Variants in STXBP5L observed in about 807,000 individuals in gnomAD.
STXBP5L encodes syntaxin binding protein 5L.
In STXBP5L, 65 loss-of-function variants were observed where a neutral mutation model predicts 144.5. The observed-to-expected ratio is 0.45, with a 90% CI of 0.37 to 0.55. STXBP5L has a LOEUF of 0.55. STXBP5L is among the 20% of genes least tolerant of loss of function. The pLI, the probability that STXBP5L is intolerant of heterozygous loss-of-function variation, is 0.00. For missense variants in STXBP5L, 1,298 were observed against 1,405.5 expected (o/e 0.92, Z 1.22); for synonymous variants, 505 against 469.6 (o/e 1.08, Z -0.97).
At chr3:121,323,867 G>A (rs2044057961) in intron 20 of STXBP5L, among the ~76,000 whole-genome samples, 2 of 152,080 alleles carry the variant, frequency 1.3e-5, no homozygotes, top group African/African-American at 2.4e-5. Flanking sequence ...CTCTTAAAGA[G>A]AACAGATCCT....
intron 20 of STXBP5L, among the ~76,000 whole-genome samples, chr3:121,325,380 A>G (rs1471065553): frequency 6.6e-6 from 1 of 152,082 alleles, no homozygotes; most frequent in Non-Finnish European, 1.5e-5. Flanking sequence ...TGAGAAAACT[A>G]AAGTTCAGAC....
chr3:121,177,512 G>T (rs142753262), intron 9 of STXBP5L, among the ~76,000 whole-genome samples: 2 of 152,086 alleles, frequency 1.3e-5, no homozygotes, highest in Non-Finnish European at 2.9e-5. Flanking sequence ...ATGAAACGAT[G>T]CTCAACATCA....
intron 5 of STXBP5L, among the ~76,000 whole-genome samples, chr3:121,113,834 G>A (rs770202668): frequency 1.3e-4 from 19 of 151,524 alleles, no homozygotes; most frequent in Non-Finnish European, 2.4e-4. Flanking sequence ...CACCACGCCC[G>A]GCTAATTTTT....
intron 20 of STXBP5L, among the ~76,000 whole-genome samples, chr3:121,358,587 C>T (rs1298567895): frequency 1.3e-5 from 2 of 152,180 alleles, no homozygotes; most frequent in Non-Finnish European, 2.9e-5. Flanking sequence ...CACCATGATT[C>T]AGTCACCTCC....
chr3:121,257,084 T>C, intron 16 of STXBP5L, 77 bp from the exon 17 acceptor site: 6 of 1,153,298 alleles, frequency 5.2e-6, no homozygotes, highest in East Asian at 2.4e-5. Flanking sequence ...AATGTGATTA[T>C]TTATTATGAC....
intron 5 of STXBP5L, among the ~76,000 whole-genome samples, chr3:121,088,370 T>G (rs370406801): frequency 0.029 from 3,245 of 113,030 alleles, 40 homozygotes; most frequent in Middle Eastern, 0.05. Context: ...ATCAGAGAAA[T>G]GCAAATCAAA....
Position 121,239,003 on chromosome 3 carries a change from A to G in STXBP5L, c.1217A>G (p.Asp406Gly), listed in dbSNP as rs752105786. 3.2e-5 allele frequency: 52 copies of G among 1,607,800 alleles called. No homozygotes were observed. The highest frequency in any genetic ancestry group is 4.4e-5 in the Non-Finnish European group (52 of 1,177,194). The change falls in exon 13 of 27, where the codon GAC becomes GGC. Residue 406 changes from aspartate (D) to glycine (G), a missense_variant. Transcript: ENST00000471454. The part of the protein sequence containing the change: ...FPIFENPYPM[D>G]IHESPVTCTA... ...ATCTTTGAAAATCCATATCCCATGG[A>G]CATTCATGAATCACCAGTTACATGC...
At chr3:121,005,567 T>A (rs1204476873) in intron 3 of STXBP5L, among the ~76,000 whole-genome samples, 2 of 152,184 alleles carry the variant, frequency 1.3e-5, no homozygotes, top group Non-Finnish European at 2.9e-5. Flanking sequence ...TCTGCTCTGA[T>A]CTTAGTTATT....
rs6766120 is a variant in STXBP5L at position 121,321,645 on chromosome 3, A to C, written c.2176+3105A>C. 5.3e-3 allele frequency among the ~76,000 whole-genome samples: 810 copies of C among 152,256 alleles called. 10 individuals are homozygous for C. Among genetic ancestry groups the C allele is most frequent in the African/African-American group, 0.018 (757 of 41,520 alleles). On this transcript the variant is annotated intron_variant, in intron 20 of 26. Coordinates refer to ENST00000471454, the MANE Select transcript of STXBP5L (RefSeq NM_001308330.2). ...CTTCTGGTCTCCAGATCACTTGAGA[A>C]TCACTGCCCTATGAAACATTTTAAA... is the stretch of plus-strand genomic sequence containing the variant.
chr3:121,345,707 G>A (rs1235725207), intron 20 of STXBP5L, among the ~76,000 whole-genome samples: 1 of 152,026 alleles, frequency 6.6e-6, no homozygotes, highest in Admixed American at 6.6e-5. Context: ...CATTCTAACT[G>A]GCATGAGATG....
In STXBP5L at chr3:120,912,435, A is replaced by T. The variant is rs564642731; in HGVS notation, c.189+2668A>T. Among the ~76,000 whole-genome samples the T allele has an allele frequency of 2.0e-5, 3 of 152,098 alleles. No individual in the cohort carries two copies. The South Asian group carries it at 6.2e-4, about 31-fold the overall frequency. ...CAGAAATTATAAGAATAAATTATAC[A>T]GCCAATTGATAAAAAAACTTTTTAT... On this transcript the variant is annotated intron_variant, in intron 2 of 26. Coordinates refer to ENST00000471454, the MANE Select transcript of STXBP5L (RefSeq NM_001308330.2).
rs537248535 is a variant in STXBP5L at position 121,097,211 on chromosome 3, T to C, written c.471-17714T>C. On this transcript the variant is annotated intron_variant, in intron 5 of 26. Coordinates refer to ENST00000471454, the MANE Select transcript of STXBP5L (RefSeq NM_001308330.2). ...AGCTCAATTGTCCCAGGTTGATCTC[T>C]GACTGCTGTTGTGTTGGCAGTGAGA... 3.3e-5 allele frequency among the ~76,000 whole-genome samples: 5 copies of C among 152,312 alleles called. No individual in the cohort carries two copies. In the East Asian group the frequency reaches 7.7e-4, roughly 24 times the overall value.
intron 9 of STXBP5L, among the ~76,000 whole-genome samples, chr3:121,168,404 G>C (rs2046579139): frequency 6.6e-6 from 1 of 152,128 alleles, no homozygotes; most frequent in Non-Finnish European, 1.5e-5. Context: ...AGCTAAAGGA[G>C]GATGTTCCAA....
At position 120,975,372 on chromosome 3, in the gene STXBP5L, G is replaced by T. The variant is rs538381544; in HGVS notation, c.287+20335G>T. Among the ~76,000 whole-genome samples, 46 of 152,252 alleles carry T rather than the reference G, an allele frequency of 3.0e-4. No homozygotes were observed. In the East Asian group the frequency reaches 7.7e-3, roughly 26 times the overall value. ...CTGTTATTGGTGTATAAGAATGCTT[G>T]TGATTTTTGCACATTGATTTTGTAT... On this transcript the variant is annotated intron_variant, in intron 3 of 26. Transcript: ENST00000471454.
intron 20 of STXBP5L, among the ~76,000 whole-genome samples, chr3:121,342,543 T>G (rs1366830269): frequency 1.5e-5 from 2 of 134,768 alleles, no homozygotes; most frequent in African/African-American, 5.6e-5. Flanking sequence ...TTCCCCTTCC[T>G]GTGTCCATGT....
chr3:121,067,007 G>A (rs1221829097), intron 5 of STXBP5L, among the ~76,000 whole-genome samples: 1 of 151,716 alleles, frequency 6.6e-6, no homozygotes, highest in African/African-American at 2.4e-5. Context: ...TTAATGGTAG[G>A]GCCTGTAGTA....
chr3:121,016,646 G>A (rs1252578362), intron 3 of STXBP5L, among the ~76,000 whole-genome samples: 2 of 152,116 alleles, frequency 1.3e-5, no homozygotes, highest in African/African-American at 2.4e-5. Context: ...ATAGATGTGC[G>A]TTTGGACTAC....
intron 3 of STXBP5L, among the ~76,000 whole-genome samples, chr3:120,965,142 C>T (rs753310391): frequency 3.3e-5 from 5 of 152,092 alleles, no homozygotes; most frequent in Non-Finnish European, 7.4e-5. Flanking sequence ...GTAGATCTTC[C>T]TCCATCTCTT....
chr3:121,272,988 TTACTTTTAA>T (rs1429453323), intron 18 of STXBP5L, among the ~76,000 whole-genome samples: 2 of 152,070 alleles, frequency 1.3e-5, no homozygotes, highest in African/African-American at 4.8e-5. Context: ...ATACCTATAG[TTACTTTTAA>T]TACTTTTGTC....
Sources: gnomAD v4.1 joint callset for allele counts (sites outside exome capture counted in the v4.1 genomes callset) on GRCh38, gnomAD v4.1.1 for gene constraint, MANE v1.5 for transcripts, NCBI Gene and HGNC (gene_info 2026-07-23, HGNC 2026-07-21) for gene names.